The following VPS13D variants were observed in gnomAD, a reference collection of about 807,000 sequenced individuals.
VPS13D encodes the protein intermembrane lipid transfer protein VPS13D.
In VPS13D, 187 loss-of-function variants were observed where a neutral mutation model predicts 461.9. That is an observed-to-expected ratio of 0.40 (90% CI 0.36 to 0.46). The LOEUF is 0.46. Among genes scored for constraint, VPS13D ranks in the 20% least tolerant of loss-of-function variants. VPS13D has a pLI of 0.60. For synonymous variants in VPS13D, 1,951 were observed against 1,986.3 expected, an observed-to-expected ratio of 0.98 and a Z score of 0.47; for missense variants, 4,711 against 5,364.9, an observed-to-expected ratio of 0.88 and a Z score of 3.81.
intron 60 of VPS13D, among the ~76,000 whole-genome samples, chr1:12,391,119 A>G (rs1435853928): frequency 6.6e-6 from 1 of 152,194 alleles, no homozygotes; most frequent in Non-Finnish European, 1.5e-5. Context: ...GCTACCTCCC[A>G]TGAATCAGTA....
At chr1:12,255,226 G>A (rs55675735) in intron 7 of VPS13D, among the ~76,000 whole-genome samples, 10 of 152,306 alleles carry the variant, frequency 6.6e-5, no homozygotes, top group Admixed American at 2.6e-4. Flanking sequence ...GATTACAGGC[G>A]TGAGTCACCA....
At chr1:12,234,453 T>C (rs1640083887) in intron 2 of VPS13D, 90 bp downstream of exon 2, 1 of 1,034,446 alleles carries the variant, frequency 9.7e-7, no homozygotes, top group East Asian at 2.5e-5. Context: ...TAAAACCTAA[T>C]GCCCAGATGG....
At chr1:12,415,986 G>A (rs1043158837) in intron 64 of VPS13D, among the ~76,000 whole-genome samples, 1 of 152,062 alleles carries the variant, frequency 6.6e-6, no homozygotes, top group African/African-American at 2.4e-5. Context: ...TTCAAGACCA[G>A]CCTAGGCAAC....
chr1:12,403,875 G>A lies in VPS13D; in HGVS notation c.11932G>A (p.Gly3978Arg), dbSNP rs1473909699. The part of the protein sequence containing the change: ...NLHEKTAEQG[G>R]TPIRYYFENL... ...CCATGAAAAGACAGCTGAGCAAGGT[G>A]GAACACCAATTCGATACTACTTTGA... Residue 3978 changes from glycine (G) to arginine (R), a missense_variant, in exon 63 of 70, where the codon GGA (glycine) becomes AGA (arginine). By Grantham distance (125) the Gly-to-Arg change is moderately radical. Around this residue, in one of 3 missense-constraint regions of VPS13D, gnomAD observed 4,411 missense variants for 4,937.8 expected, o/e 0.89. Transcript: ENST00000620676. 5 of 1,612,048 alleles carry A rather than the reference G, an allele frequency of 3.1e-6. No individual in the cohort carries two copies. In the African/African-American group the frequency reaches 6.7e-5, roughly 22 times the overall value.
Position 12,311,450 on chromosome 1 carries a change from A to G in VPS13D, c.6651-4A>G, listed in dbSNP as rs752149110. 1.3e-6 allele frequency: 2 copies of G among 1,592,262 alleles called. No homozygotes were observed. Among genetic ancestry groups the G allele is most frequent in the Admixed American group, 1.8e-5 (1 of 54,568 alleles). ...GTGTAAGTGATCTTTTTTCTTTTTCATAGAGAAATAAGTCATACTGTGCCA... is the reference window on the plus strand; with the variant it reads ...GTGTAAGTGATCTTTTTTCTTTTTCGTAGAGAAATAAGTCATACTGTGCCA... On this transcript the variant is annotated splice_region_variant and splice_polypyrimidine_tract_variant and intron_variant, in intron 27 of 69. Coordinates refer to ENST00000620676, the MANE Select transcript of VPS13D (RefSeq NM_015378.4).
chr1:12,489,583 G>A (rs1052289472), intron 67 of VPS13D, among the ~76,000 whole-genome samples: 5 of 152,168 alleles, frequency 3.3e-5, no homozygotes, highest in African/African-American at 1.2e-4. Context: ...AAATACTTCA[G>A]TTTGAAGCAG....
chr1:12,424,334 G>A (rs575580070), intron 65 of VPS13D, among the ~76,000 whole-genome samples: 9 of 152,134 alleles, frequency 5.9e-5, no homozygotes, highest in Non-Finnish European at 1.2e-4. Context: ...ATTTTCCTCT[G>A]ATAATTTTGA....
chr1:12,381,229 T>A (rs1166177061), intron 57 of VPS13D, among the ~76,000 whole-genome samples: 1 of 152,234 alleles, frequency 6.6e-6, no homozygotes, highest in East Asian at 1.9e-4. Context: ...CTGCTCTTAT[T>A]AGGTTGTATA....
intron 67 of VPS13D, among the ~76,000 whole-genome samples, chr1:12,483,502 T>C (rs115359697): frequency 2.3e-3 from 346 of 152,306 alleles, no homozygotes; most frequent in Non-Finnish European, 3.7e-3. Context: ...TTTTTAATTC[T>C]TATCTAGTGT....
rs937744045 is a variant in VPS13D at position 12,257,998 on chromosome 1, A to T, written c.1005A>T (p.Lys335Asn). The T allele has an allele frequency of 6.2e-7, 1 of 1,614,182 alleles. No homozygotes were observed. Among genetic ancestry groups the T allele is most frequent in the Non-Finnish European group, 8.5e-7 (1 of 1,180,030 alleles). The change falls in exon 10 of 70, where the codon AAA becomes AAT. Residue 335 changes from lysine (K) to asparagine (N), a missense_variant. By Grantham distance (94) the Lys-to-Asn change is moderately conservative. This residue lies in a region of VPS13D where 4,411 missense variants were observed against 4,937.8 expected (regional missense o/e 0.89). Coordinates refer to ENST00000620676, the MANE Select transcript of VPS13D (RefSeq NM_015378.4). The part of the protein sequence containing the change: ...ANLYEIREQR[K>N]RCTWDFMLHR... ...TGTATGAGATCAGAGAGCAGAGGAA[A>T]CGTTGCACCTGGGACTTTATGTTGC...
At chr1:12,433,762 G>A (rs1239553462) in intron 65 of VPS13D, among the ~76,000 whole-genome samples, 1 of 152,192 alleles carries the variant, frequency 6.6e-6, no homozygotes, top group East Asian at 1.9e-4. Context: ...AGATAAGAGC[G>A]GCAGGGGATC....
At chr1:12,426,444 A>C (rs1570148884) in intron 65 of VPS13D, among the ~76,000 whole-genome samples, 1 of 152,212 alleles carries the variant, frequency 6.6e-6, no homozygotes, top group South Asian at 2.1e-4. Context: ...TTTTAAAATA[A>C]TAGTGTTTAA....
rs370644429 is a variant in VPS13D at position 12,281,419 on chromosome 1, T to C, written c.4603-1286T>C. 2.6e-4 allele frequency among the ~76,000 whole-genome samples: 40 copies of C among 152,306 alleles called. 3 individuals carry two copies. The highest frequency in any genetic ancestry group is 2.1e-3 in the Admixed American group (32 of 15,288). On this transcript the variant is annotated intron_variant, in intron 20 of 69. Coordinates refer to ENST00000620676, the MANE Select transcript of VPS13D (RefSeq NM_015378.4). ...TATTTTGTTGTGGAACTAAGTCAGT[T>C]GTCCTGTGGAATGTCCCACTTTCTG...
At chr1:12,346,688 G>A in intron 44 of VPS13D, 36 bp downstream of exon 44, 1 of 1,577,360 alleles carries the variant, frequency 6.3e-7, no homozygotes, top group Non-Finnish European at 8.7e-7. Flanking sequence ...TGTGTTTATT[G>A]CGTATATACA....
At chr1:12,390,445 T>A (rs1206356424) in intron 60 of VPS13D, among the ~76,000 whole-genome samples, 2 of 152,216 alleles carry the variant, frequency 1.3e-5, no homozygotes, top group Non-Finnish European at 1.5e-5. Context: ...ATGAGTCCAC[T>A]GCCGCACTTC....
chr1:12,440,639 GC>G (rs973823683), intron 65 of VPS13D, among the ~76,000 whole-genome samples: 2 of 152,190 alleles, frequency 1.3e-5, no homozygotes, highest in African/African-American at 4.8e-5. Flanking sequence ...ACTTTGTGGG[GC>G]TGAGGTGGGT....
intron 2 of VPS13D, among the ~76,000 whole-genome samples, chr1:12,241,624 A>G (rs1410665484): frequency 6.6e-6 from 1 of 152,058 alleles, no homozygotes; most frequent in African/African-American, 2.4e-5. Context: ...TTGTCAGTTC[A>G]CTTTCGGGTT....
intron 58 of VPS13D, among the ~76,000 whole-genome samples, chr1:12,383,556 G>A (rs2101650982): frequency 6.6e-6 from 1 of 152,272 alleles, no homozygotes; most frequent in South Asian, 2.1e-4. Context: ...AGGGTGTATG[G>A]AAAGGATTTG....
intron 7 of VPS13D, among the ~76,000 whole-genome samples, chr1:12,254,934 A>T (rs1195936945): frequency 2.6e-5 from 4 of 151,238 alleles, no homozygotes; most frequent in Non-Finnish European, 4.4e-5. Flanking sequence ...ATACTATTGT[A>T]CATGATGGCT....
Sources: gnomAD v4.1 joint callset for allele counts (sites outside exome capture counted in the v4.1 genomes callset) on GRCh38, gnomAD v4.1.1 for gene constraint, gnomAD v4.1.1 regional missense constraint, MANE v1.5 for transcripts, NCBI Gene and HGNC (gene_info 2026-07-23, HGNC 2026-07-21) for gene names.